CDH18: variants seen among roughly 807,000 people sequenced by gnomAD.
The protein encoded by CDH18 is cadherin-18.
A neutral mutation model predicts 67.9 loss-of-function variants in CDH18; 31 were observed. The ratio of observed to expected loss-of-function variants is 0.46; its 90% confidence interval spans 0.34 to 0.62. CDH18 has a LOEUF of 0.62. Ranked by LOEUF, CDH18 falls within the 20% of genes least tolerant of loss-of-function variation. The pLI is 0.01. For missense variants in CDH18, 890 were observed against 975.5 expected, an observed-to-expected ratio of 0.91 and a Z score of 1.17; for synonymous variants, 362 against 347.2, an observed-to-expected ratio of 1.04 and a Z score of -0.48.
At chr5:19,686,733 A>C (rs901047801) in intron 5 of CDH18, among the ~76,000 whole-genome samples, 2 of 152,158 alleles carry the variant, frequency 1.3e-5, no homozygotes, top group Non-Finnish European at 2.9e-5. Flanking sequence ...TTGTACTTCA[A>C]GTTCATTAAA....
In CDH18 at chr5:19,673,635, G is replaced by GTTTT. The variant is rs200343041; in HGVS notation, c.643+47711_643+47712insAAAA. 5.1e-3 allele frequency among the ~76,000 whole-genome samples: 769 copies of GTTTT among 152,062 alleles called. 13 individuals are homozygous for GTTTT. Among genetic ancestry groups the GTTTT allele is most frequent in the Admixed American group, 0.04 (616 of 15,246 alleles). On this transcript the variant is annotated intron_variant, in intron 5 of 12. Coordinates refer to ENST00000382275, the MANE Select transcript of CDH18 (RefSeq NM_004934.5). ...TAGAATATTCTTTTAATTAAATCAAGTAACTTCAACCAGCTTTCTGTATTT... is the reference window on the plus strand; with the variant it reads ...TAGAATATTCTTTTAATTAAATCAAGTTTTTAACTTCAACCAGCTTTCTGTATTT...
chr5:19,474,202 T>A lies in CDH18; in HGVS notation c.1883-486A>T, dbSNP rs112276979. On this transcript the variant is annotated intron_variant, in intron 12 of 12. Coordinates refer to ENST00000382275, the MANE Select transcript of CDH18 (RefSeq NM_004934.5). ...TAACGTTAAACCCTTTAAATTTTGATGCTTTGTAGAAAATCAAAGCAGAAA... is the reference window on the plus strand; with the variant it reads ...TAACGTTAAACCCTTTAAATTTTGAAGCTTTGTAGAAAATCAAAGCAGAAA... Among the ~76,000 whole-genome samples the A allele has an allele frequency of 6.5e-3, 987 of 152,266 alleles. 15 individuals are homozygous for A. Among genetic ancestry groups the A allele is most frequent in the African/African-American group, 0.022 (930 of 41,552 alleles).
At chr5:19,849,294 G>A (rs944971354) in intron 2 of CDH18, among the ~76,000 whole-genome samples, 6 of 151,816 alleles carry the variant, frequency 4.0e-5, no homozygotes, top group African/African-American at 9.7e-5. Flanking sequence ...AGAGATTAAC[G>A]TAGAGAAGAG....
At chr5:20,062,527 G>T (rs1742590983) in intron 2 of CDH18, among the ~76,000 whole-genome samples, 1 of 152,096 alleles carries the variant, frequency 6.6e-6, no homozygotes. Flanking sequence ...CACCTTCATA[G>T]ATGATGATAA....
chr5:20,419,361 G>T (rs557562069), intron 1 of CDH18, among the ~76,000 whole-genome samples: 1 of 151,146 alleles, frequency 6.6e-6, no homozygotes, highest in Non-Finnish European at 1.5e-5. Context: ...ACCCAACCAT[G>T]CTGGCTCCAC....
chr5:20,293,995 A>C (rs754357185), intron 1 of CDH18, among the ~76,000 whole-genome samples: 1 of 152,164 alleles, frequency 6.6e-6, no homozygotes, highest in African/African-American at 2.4e-5. Context: ...CTTAAGTGGA[A>C]ACTAATAGGA....
At chr5:20,260,834 A>G (rs913969808) in intron 1 of CDH18, among the ~76,000 whole-genome samples, 1 of 152,198 alleles carries the variant, frequency 6.6e-6, no homozygotes, top group Non-Finnish European at 1.5e-5. Flanking sequence ...GCTAATAGCC[A>G]GCAGAAGATG....
At chr5:20,438,869 A>T (rs1749380850) in intron 1 of CDH18, among the ~76,000 whole-genome samples, 1 of 151,556 alleles carries the variant, frequency 6.6e-6, no homozygotes, top group South Asian at 2.1e-4. Flanking sequence ...CTATGTTAGG[A>T]GATACGAGTG....
chr5:20,136,709 T>G (rs1222803023), intron 2 of CDH18, among the ~76,000 whole-genome samples: 1 of 152,172 alleles, frequency 6.6e-6, no homozygotes, highest in Non-Finnish European at 1.5e-5. Flanking sequence ...TTTGGCATGT[T>G]TTTGCAGTGG....
At chr5:19,881,041 C>T (rs1193465378) in intron 2 of CDH18, among the ~76,000 whole-genome samples, 1 of 152,084 alleles carries the variant, frequency 6.6e-6, no homozygotes, top group Non-Finnish European at 1.5e-5. Flanking sequence ...TCCTGCTCTC[C>T]AGGGAAGTGT....
chr5:19,800,002 A>C (rs1777285432), intron 3 of CDH18, among the ~76,000 whole-genome samples: 2 of 152,192 alleles, frequency 1.3e-5, no homozygotes, highest in South Asian at 4.1e-4. Context: ...TAAAAGATTT[A>C]AACTTCCCAC....
At chr5:20,027,109 T>C (rs935188245) in intron 2 of CDH18, among the ~76,000 whole-genome samples, 6 of 152,158 alleles carry the variant, frequency 3.9e-5, no homozygotes, top group African/African-American at 1.4e-4. Flanking sequence ...GTTGCTTTTA[T>C]AAATAAATGG....
At chr5:20,223,287 G>A (rs764779820) in intron 2 of CDH18, among the ~76,000 whole-genome samples, 15 of 152,054 alleles carry the variant, frequency 9.9e-5, no homozygotes, top group South Asian at 2.1e-4. Flanking sequence ...ACTTGATTTC[G>A]GAGTTACATG....
chr5:19,794,151 A>G (rs537202583), intron 3 of CDH18, among the ~76,000 whole-genome samples: 21 of 152,096 alleles, frequency 1.4e-4, no homozygotes, highest in Non-Finnish European at 2.9e-4. Flanking sequence ...AATATAACTA[A>G]CTTTGTAGTG....
intron 2 of CDH18, among the ~76,000 whole-genome samples, chr5:20,159,997 A>C (rs1443913496): frequency 1.3e-5 from 2 of 152,272 alleles, no homozygotes; most frequent in African/African-American, 2.4e-5. Context: ...CACACAAAAA[A>C]ATTTTTGCTA....
At chr5:19,693,905 A>C (rs917439716) in intron 5 of CDH18, among the ~76,000 whole-genome samples, 152 of 152,046 alleles carry the variant, frequency 1.0e-3, no homozygotes, top group Non-Finnish European at 1.7e-3. Flanking sequence ...GAAAAAAAAA[A>C]AAAAAAAAGA....
chr5:20,202,294 C>T (rs78832177), intron 2 of CDH18, among the ~76,000 whole-genome samples: 2 of 152,064 alleles, frequency 1.3e-5, no homozygotes, highest in Admixed American at 1.3e-4. Flanking sequence ...ATGAACAGAA[C>T]TATTAGTTTC....
In CDH18 at chr5:19,571,622, T is replaced by C; in HGVS notation, c.1210A>G (p.Thr404Ala). 1.2e-6 allele frequency: 2 copies of C among 1,613,988 alleles called. No homozygotes were observed. The highest frequency in any genetic ancestry group is 1.7e-6 in the Non-Finnish European group (2 of 1,179,894). ...CTGTCAGGATCTTGTGCCAAAACTG[T>C]ACCAACGACGGTCCCAATCTTGGCA... ...ENAKIGTVVG[T>A]VLAQDPDSTN... Residue 404 changes from threonine to alanine, a missense_variant, in exon 8 of 13, where the codon ACA becomes GCA. Physicochemically the swap from Thr to Ala is moderately conservative, Grantham distance 58. This residue lies in a region of CDH18 where 656 missense variants were observed against 668.1 expected (regional missense o/e 0.98). Coordinates refer to ENST00000382275, the MANE Select transcript of CDH18 (RefSeq NM_004934.5).
At chr5:19,648,662 T>C (rs930084398) in intron 5 of CDH18, among the ~76,000 whole-genome samples, 10 of 152,154 alleles carry the variant, frequency 6.6e-5, no homozygotes, top group African/African-American at 2.4e-4. Flanking sequence ...TTGTCTTTGA[T>C]GCTGAATTAT....
Sources: allele counts gnomAD v4.1 joint callset (sites outside exome capture counted in the v4.1 genomes callset), GRCh38; gene constraint gnomAD v4.1.1; regional missense constraint gnomAD v4.1.1; transcripts MANE v1.5; gene names NCBI Gene and HGNC (gene_info 2026-07-23, HGNC 2026-07-21).